DGKH: variants seen among roughly 807,000 people sequenced by gnomAD.
DGKH encodes diacylglycerol kinase eta.
In DGKH, 90 loss-of-function variants were observed where a neutral mutation model predicts 159.3. The observed-to-expected ratio is 0.57, with a 90% CI of 0.48 to 0.67. The LOEUF (loss-of-function observed/expected upper bound fraction) is 0.67, where lower values mean the gene tolerates loss of function less well. Among genes scored for constraint, DGKH ranks in the 30% least tolerant of loss-of-function variants. The pLI is 0.00. For missense variants in DGKH, 1,181 were observed against 1,506.1 expected (o/e 0.78, Z 3.57); for synonymous variants, 536 against 553.8 (o/e 0.97, Z 0.45).
At chr13:42,198,838 G>A (rs1957274170) in intron 18 of DGKH, among the ~76,000 whole-genome samples, 1 of 151,968 alleles carries the variant, frequency 6.6e-6, no homozygotes. Context: ...GCAACCCTCT[G>A]GCAAAGGAAG....
exon 31 of DGKH, chr13:42,256,429 C>G (rs1958657858): frequency 1.3e-6 from 2 of 1,569,588 alleles, no homozygotes; most frequent in East Asian, 2.2e-5. Flanking sequence ...AGACAGCACA[C>G]AAAAATGGAT....
intron 30 of DGKH, among the ~76,000 whole-genome samples, chr13:42,254,755 A>G (rs1958645095): frequency 6.6e-6 from 1 of 152,202 alleles, no homozygotes; most frequent in Admixed American, 6.5e-5. Context: ...CCTATTTTGA[A>G]TTATACATAT....
At chr13:42,244,246 A>C (rs1165955854), downstream of DGKH, among the ~76,000 whole-genome samples, 3 of 152,140 alleles carry the variant, frequency 2.0e-5, no homozygotes, top group African/African-American at 4.8e-5. Context: ...GGAGAAGATG[A>C]AGTTATCCAG....
intron 3 of DGKH, among the ~76,000 whole-genome samples, chr13:42,132,836 A>T (rs1304212018): frequency 6.6e-6 from 1 of 152,062 alleles, no homozygotes; most frequent in Non-Finnish European, 1.5e-5. Flanking sequence ...GTGAGCCATG[A>T]TCCCAGCCTG....
chr13:42,055,038 T>G (rs921493295), intron 1 of DGKH, among the ~76,000 whole-genome samples: 1 of 152,236 alleles, frequency 6.6e-6, no homozygotes, highest in African/African-American at 2.4e-5. Flanking sequence ...AATATTATTA[T>G]TCCTCTTTTT....
At chr13:42,056,859 C>T (rs1214144233) in intron 1 of DGKH, among the ~76,000 whole-genome samples, 2 of 152,136 alleles carry the variant, frequency 1.3e-5, no homozygotes, top group African/African-American at 2.4e-5. Context: ...TTTTCCTCTC[C>T]CTTATTTCCC....
intron 11 of DGKH, among the ~76,000 whole-genome samples, chr13:42,172,765 G>T (rs927721818): frequency 2.7e-5 from 4 of 149,078 alleles, no homozygotes; most frequent in African/African-American, 7.4e-5. Context: ...CCTCTGCCTC[G>T]CAGGTTCAAG....
At chr13:42,163,288 G>A (rs896538936) in intron 7 of DGKH, among the ~76,000 whole-genome samples, 6 of 152,044 alleles carry the variant, frequency 3.9e-5, no homozygotes, top group African/African-American at 1.5e-4. Context: ...TTGGTTCCAA[G>A]TCTTTGCTTT....
At chr13:42,178,764 T>A (rs1222908857) in intron 13 of DGKH, among the ~76,000 whole-genome samples, 1 of 152,206 alleles carries the variant, frequency 6.6e-6, no homozygotes, top group Non-Finnish European at 1.5e-5. Flanking sequence ...TGGCTGGAAT[T>A]TAGAATTTAG....
intron 1 of DGKH, among the ~76,000 whole-genome samples, chr13:42,117,160 A>G (rs1237898896): frequency 2.0e-5 from 3 of 152,224 alleles, no homozygotes; most frequent in Admixed American, 6.5e-5. Flanking sequence ...TAAAACTAAA[A>G]CATACTTGCT....
At chr13:42,045,440 G>C, upstream of DGKH, among the ~76,000 whole-genome samples, 1 of 152,216 alleles carries the variant, frequency 6.6e-6, no homozygotes, top group East Asian at 1.9e-4. Context: ...AAATGTAAAT[G>C]AGAGGTTATA....
chr13:42,186,202 CAAT>C (rs1334225699), intron 13 of DGKH, among the ~76,000 whole-genome samples: 2 of 152,216 alleles, frequency 1.3e-5, no homozygotes, highest in African/African-American at 4.8e-5. Context: ...CAATTTATAT[CAAT>C]GATAGAAAGC....
Position 42,221,303 on chromosome 13 carries a change from A to T in DGKH, c.3482A>T (p.Asp1161Val), listed in dbSNP as rs1229403053. The change falls in exon 29 of 30, where the codon GAT becomes GTT. Residue 1161 changes from aspartate (D) to valine (V), a missense_variant. Asp to Val is a radical substitution (Grantham distance 152). Transcript: ENST00000337343. ...ACAGAGGAAGTTGCTGCTTGGCTGGATCTGCTCAATTTGGGAGAGTACAAA... is the reference window on the plus strand; with the variant it reads ...ACAGAGGAAGTTGCTGCTTGGCTGGTTCTGCTCAATTTGGGAGAGTACAAA... ...WGTEEVAAWL[D>V]LLNLGEYKDI... 2 of 1,613,684 alleles carry T rather than the reference A, an allele frequency of 1.2e-6. No individual in the cohort carries two copies. Among genetic ancestry groups the T allele is most frequent in the East Asian group, 4.5e-5 (2 of 44,882 alleles).
At chr13:42,131,413 G>T (rs75878385) in intron 3 of DGKH, among the ~76,000 whole-genome samples, 1 of 152,168 alleles carries the variant, frequency 6.6e-6, no homozygotes, top group African/African-American at 2.4e-5. Flanking sequence ...GAATCAGAGC[G>T]CAGGTTAAGA....
chr13:42,114,155 C>T (rs759846854), intron 1 of DGKH, among the ~76,000 whole-genome samples: 3 of 151,946 alleles, frequency 2.0e-5, no homozygotes, highest in Non-Finnish European at 2.9e-5. Flanking sequence ...TGGATAAAAG[C>T]AGAATGGCTT....
intron 17 of DGKH, among the ~76,000 whole-genome samples, chr13:42,196,657 G>A (rs910934991): frequency 1.2e-4 from 19 of 152,294 alleles, no homozygotes; most frequent in Middle Eastern, 3.4e-3. Context: ...CAGCTAGTGG[G>A]TACACCGTTA....
intron 1 of DGKH, among the ~76,000 whole-genome samples, chr13:42,089,416 T>C (rs1397296303): frequency 6.6e-6 from 1 of 152,216 alleles, no homozygotes; most frequent in East Asian, 1.9e-4. Flanking sequence ...TGCAAACTTA[T>C]TGGCTTAATA....
chr13:42,206,189 A>G (rs747198007), intron 21 of DGKH, 43 bp downstream of exon 21: 15 of 1,248,666 alleles, frequency 1.2e-5, no homozygotes, highest in Non-Finnish European at 1.6e-5. Flanking sequence ...AAAAATAATT[A>G]TATCACTGGA....
rs565179138 is a variant in DGKH at position 42,219,486 on chromosome 13, G to T, written c.3333+137G>T. 2.0e-5 allele frequency: 27 copies of T among 1,381,170 alleles called. No individual in the cohort carries two copies. The African/African-American group carries it at 3.6e-4, about 19-fold the overall frequency. 85.6% of individuals were successfully genotyped at this position (1,381,170 alleles called of 1,614,324 possible). On this transcript the variant is annotated intron_variant, in intron 27 of 29. Coordinates refer to ENST00000337343, the MANE Select transcript of DGKH (RefSeq NM_178009.5). ...TCAAATGTTCTGTTCTTGAACAAAT[G>T]AGAAAAGGCATTTATGTGAACGCAT...
Sources: allele counts gnomAD v4.1 joint callset (sites outside exome capture counted in the v4.1 genomes callset), GRCh38; gene constraint gnomAD v4.1.1; transcripts MANE v1.5; gene names NCBI Gene and HGNC (gene_info 2026-07-23, HGNC 2026-07-21).